Variants in ATP9A observed in about 807,000 individuals in gnomAD.
ATP9A encodes the protein ATPase phospholipid transporting 9A.
ATP9A carries 52 observed loss-of-function variants against 144.1 expected under a neutral mutation model. That is an observed-to-expected ratio of 0.36 (90% CI 0.29 to 0.45). ATP9A has a LOEUF of 0.45. ATP9A is among the 20% of genes least tolerant of loss of function. The pLI is 1.00. For synonymous variants in ATP9A, 582 were observed against 557.4 expected (o/e 1.04, Z -0.62); for missense variants, 947 against 1,392.7 (o/e 0.68, Z 5.09).
At chr20:51,755,147 A>T (rs1391229024) in intron 1 of ATP9A, among the ~76,000 whole-genome samples, 1 of 151,348 alleles carries the variant, frequency 6.6e-6, no homozygotes, top group East Asian at 1.9e-4. Flanking sequence ...ATAAATAAAT[A>T]AATTTATTGG....
At chr20:51,709,828 G>A (rs2077630248) in intron 4 of ATP9A, among the ~76,000 whole-genome samples, 1 of 152,092 alleles carries the variant, frequency 6.6e-6, no homozygotes, top group Non-Finnish European at 1.5e-5. Context: ...TTGCTTGTTA[G>A]GAATTATTGC....
chr20:51,719,474 C>T (rs2077678597), intron 3 of ATP9A, among the ~76,000 whole-genome samples: 1 of 152,136 alleles, frequency 6.6e-6, no homozygotes, highest in Non-Finnish European at 1.5e-5. Context: ...GTGGCTCACG[C>T]CTGTAATCCC....
intron 13 of ATP9A, among the ~76,000 whole-genome samples, chr20:51,658,888 C>CGGTGGGGCGGG (rs746874247): frequency 1.3e-4 from 7 of 54,846 alleles, no homozygotes; most frequent in South Asian, 1.4e-3. Flanking sequence ...AGACCACTGG[C>CGGTGGGGCGGG]GGGGGGGGGG....
intron 14 of ATP9A, 130 bp from the exon 15 acceptor site, chr20:51,639,634 G>A (rs1336416649): frequency 8.4e-6 from 8 of 955,514 alleles, no homozygotes; most frequent in Admixed American, 2.9e-5. Flanking sequence ...CCTTAGGGAC[G>A]CCAAGTGCTC....
chr20:51,738,898 A>C (rs2077773477), intron 1 of ATP9A, among the ~76,000 whole-genome samples: 1 of 152,112 alleles, frequency 6.6e-6, no homozygotes, highest in Admixed American at 6.6e-5. Flanking sequence ...CCTGGACAAC[A>C]CGGAGAAACC....
chr20:51,746,199 G>A (rs1388008788), intron 1 of ATP9A, among the ~76,000 whole-genome samples: 1 of 152,182 alleles, frequency 6.6e-6, no homozygotes, highest in African/African-American at 2.4e-5. Flanking sequence ...TGGGAGGAGG[G>A]AGAAGAGCAG....
At chr20:51,763,879 C>T (rs967296922) in intron 1 of ATP9A, among the ~76,000 whole-genome samples, 1 of 152,154 alleles carries the variant, frequency 6.6e-6, no homozygotes, top group African/African-American at 2.4e-5. Flanking sequence ...AACATCACAC[C>T]AGGGCCTCGA....
At chr20:51,674,120 C>A in intron 11 of ATP9A, 33 bp downstream of exon 11, 1 of 1,604,018 alleles carries the variant, frequency 6.2e-7, no homozygotes, top group Non-Finnish European at 8.5e-7. Flanking sequence ...GAAGATGTCA[C>A]GGCAGCCAAA....
chr20:51,714,000 G>A (rs191105205), intron 3 of ATP9A, among the ~76,000 whole-genome samples: 201 of 152,078 alleles, frequency 1.3e-3, no homozygotes, highest in African/African-American at 4.5e-3. Context: ...TCCACCTCCC[G>A]GGTTCAAGCG....
chr20:51,638,076 TATATATA>T (rs2077301449), intron 15 of ATP9A, among the ~76,000 whole-genome samples: 59 of 13,738 alleles, frequency 4.3e-3, no homozygotes, highest in East Asian at 0.022. Flanking sequence ...TCATTTTATA[TATATATA>T]TATATATATA....
chr20:51,735,466 T>C (rs1224795454), intron 1 of ATP9A, among the ~76,000 whole-genome samples: 2 of 152,226 alleles, frequency 1.3e-5, no homozygotes, highest in Non-Finnish European at 2.9e-5. Context: ...ATATTGTCTA[T>C]GGGACTAAAT....
intron 14 of ATP9A, among the ~76,000 whole-genome samples, chr20:51,652,934 C>A (rs1005315232): frequency 6.6e-6 from 1 of 151,944 alleles, no homozygotes; most frequent in East Asian, 1.9e-4. Flanking sequence ...CGGTGAAACC[C>A]CATCTCTACT....
chr20:51,678,951 C>G (rs114590744), intron 9 of ATP9A, among the ~76,000 whole-genome samples: 1 of 152,124 alleles, frequency 6.6e-6, no homozygotes, highest in African/African-American at 2.4e-5. Context: ...ACACCGGATG[C>G]GCCTTGGCTT....
chr20:51,690,551 A>G (rs2077543995), intron 8 of ATP9A, among the ~76,000 whole-genome samples, 188 bp downstream of exon 8: 1 of 152,272 alleles, frequency 6.6e-6, no homozygotes, highest in Non-Finnish European at 1.5e-5. Context: ...TTCCAAGGCC[A>G]GAAGAAAATT....
intron 15 of ATP9A, among the ~76,000 whole-genome samples, chr20:51,637,543 T>C (rs1406193091): frequency 6.6e-6 from 1 of 152,026 alleles, no homozygotes; most frequent in African/African-American, 2.4e-5. Flanking sequence ...AAGAACGAGA[T>C]GCTGTAAGAG....
rs1568837394 is a variant in ATP9A, at chr20:51,725,801, CA to C, written c.327+17del. Reference sequence around the variant, plus strand: ...CAAACCTCTAAGGTTACTGAACAAACAATGCCGATTAACTTACCAGGGGAAC... The same window carrying C: ...CAAACCTCTAAGGTTACTGAACAAACATGCCGATTAACTTACCAGGGGAAC... On this transcript the variant is annotated intron_variant, in intron 3 of 27. Transcript: ENST00000338821. 6.7e-7 allele frequency: 1 copy of C among 1,503,466 alleles called. No individual in the cohort carries two copies. The highest frequency in any genetic ancestry group is 1.7e-5 in the Admixed American group (1 of 59,634). The allele number at this position is 1,503,466 out of a possible 1,614,324, so 93.1% of individuals were successfully genotyped here.
chr20:51,701,367 TC>T (rs2077592517), intron 4 of ATP9A, among the ~76,000 whole-genome samples: 1 of 152,218 alleles, frequency 6.6e-6, no homozygotes, highest in Non-Finnish European at 1.5e-5. Context: ...GAATTGTTTT[TC>T]CATTAAGCGT....
chr20:51,686,833 G>T (rs1252913513), intron 9 of ATP9A, among the ~76,000 whole-genome samples: 2 of 152,012 alleles, frequency 1.3e-5, no homozygotes, highest in Non-Finnish European at 2.9e-5. Context: ...TACTGGAGAG[G>T]CTGAGGCAGG....
intron 4 of ATP9A, among the ~76,000 whole-genome samples, chr20:51,704,747 T>C (rs1601116105): frequency 6.6e-6 from 1 of 152,152 alleles, no homozygotes; most frequent in East Asian, 1.9e-4. Context: ...GCCATCGCAC[T>C]CTAGCCTGGG....
Sources: gnomAD v4.1 joint callset for allele counts (sites outside exome capture counted in the v4.1 genomes callset) on GRCh38, gnomAD v4.1.1 for gene constraint, MANE v1.5 for transcripts, NCBI Gene and HGNC (gene_info 2026-07-23, HGNC 2026-07-21) for gene names.